Variants in CHADL observed in about 807,000 individuals in gnomAD.
The protein encoded by CHADL is chondroadherin like, also known as chondroadherin-like protein.
CHADL carries 48 observed loss-of-function variants against 52.1 expected under a neutral mutation model. That is an observed-to-expected ratio of 0.92 (90% CI 0.73 to 1.17). The LOEUF (loss-of-function observed/expected upper bound fraction) is 1.17. Among genes scored for constraint, CHADL ranks in the 50% most tolerant of loss-of-function variants. The pLI, the probability that CHADL is intolerant of heterozygous loss-of-function variation, is 0.00. For missense variants in CHADL, 977 were observed against 1,035.1 expected (o/e 0.94, Z 0.77); for synonymous variants, 498 against 511.2 (o/e 0.97, Z 0.35).
At chr22:41,240,028 T>A (rs947587230) in intron 1 of CHADL, among the ~76,000 whole-genome samples, 1 of 152,148 alleles carries the variant, frequency 6.6e-6, no homozygotes, top group Non-Finnish European at 1.5e-5. Context: ...AGGAGCATAA[T>A]GGTACCCCCC....
At chr22:41,239,728 C>T in intron 1 of CHADL, 108 bp from the exon 2 acceptor site, 1 of 1,041,844 alleles carries the variant, frequency 9.6e-7, no homozygotes, top group Non-Finnish European at 1.3e-6. Flanking sequence ...CCCTCAGAGC[C>T]TCCTCCTTTG....
intron 5 of CHADL, 146 bp from the exon 6 acceptor site, chr22:41,229,876 T>A: frequency 6.5e-6 from 5 of 774,262 alleles, no homozygotes; most frequent in Non-Finnish European, 1.1e-5. Context: ...CGGCCCCTCC[T>A]CCTCCTCCAT....
rs1159529322 is a variant in CHADL at position 41,237,736 on chromosome 22, G to A, written c.1336C>T (p.Pro446Ser). Reference sequence around the variant, plus strand: ...AGCGACACCAGGTGGCCCAGGCCGGGGAAGGCCGCTCGGGGCACCGAGGGG... The same window carrying A: ...AGCGACACCAGGTGGCCCAGGCCGGAGAAGGCCGCTCGGGGCACCGAGGGG... ...HFPSVPRAAF[P>S]GLGHLVSLHL... Residue 446 changes from proline to serine, a missense_variant, in exon 3 of 6, where the codon CCC becomes TCC. Physicochemically the swap from Pro to Ser is moderately conservative, Grantham distance 74 (BLOSUM62 -1). Transcript: ENST00000216241. The A allele has an allele frequency of 1.9e-6, 3 of 1,540,786 alleles. No individual in the cohort carries two copies. Among genetic ancestry groups the A allele is most frequent in the Non-Finnish European group, 1.8e-6 (2 of 1,142,754 alleles).
Position 41,237,360 on chromosome 22 carries a change from A to G in CHADL, c.1712T>C (p.Leu571Pro). The G allele has an allele frequency of 6.4e-7, 1 of 1,550,602 alleles. No homozygotes were observed. The highest frequency in any genetic ancestry group is 1.4e-5 in the African/African-American group (1 of 73,156). ...SLGALGPARE[L>P]EKLHLDRNQL... ...ATTCCTGTCCAGGTGCAGCTTCTCCAGCTCCCGAGCTGGGCCCAGCGCCCC... is the reference window on the plus strand; with the variant it reads ...ATTCCTGTCCAGGTGCAGCTTCTCCGGCTCCCGAGCTGGGCCCAGCGCCCC... Residue 571 changes from leucine (L) to proline (P), a missense_variant, in exon 3 of 6, where the codon CTG (leucine) becomes CCG (proline). By Grantham distance (98) the Leu-to-Pro change is moderately conservative (BLOSUM62 -3). Coordinates refer to ENST00000216241, the MANE Select transcript of CHADL (RefSeq NM_138481.2).
Position 41,238,791 on chromosome 22 carries a change from C to A in CHADL, c.281G>T (p.Arg94Leu). Reference protein sequence around the residue: ...GVPHLTHLDLRHCEVELVAEG... With the variant: ...GVPHLTHLDLLHCEVELVAEG... The stretch of plus-strand genomic sequence containing the variant: ...GGCCACCAGCTCCACCTCGCAGTGG[C>A]GCAGGTCCAGGTGTGTGAGGTGAGG... The change falls in exon 3 of 6, where the codon CGC becomes CTC. Residue 94 changes from arginine to leucine, a missense_variant. Transcript: ENST00000216241. The surrounding 1 kb of genome is among the most constrained non-coding windows in gnomAD (Gnocchi z 4.9). The A allele has an allele frequency of 6.5e-7, 1 of 1,549,692 alleles. No individual in the cohort carries two copies.
intron 4 of CHADL, 108 bp from the exon 5 acceptor site, chr22:41,235,451 G>A (rs2032724279): frequency 2.5e-6 from 2 of 814,960 alleles, no homozygotes; most frequent in Non-Finnish European, 3.9e-6. Flanking sequence ...GGCAGCACAA[G>A]GCCACAGGCA....
chr22:41,231,190 G>T (rs879323183), intron 5 of CHADL: 1 of 152,180 alleles, frequency 6.6e-6, no homozygotes, highest in Non-Finnish European at 1.5e-5. Flanking sequence ...GACAGAGCTG[G>T]AGGACACATC....
chr22:41,230,304 TACC>T (rs1234885994), intron 5 of CHADL: 48 of 1,301,808 alleles, frequency 3.7e-5, no homozygotes, highest in Admixed American at 5.1e-5. Flanking sequence ...AGCGTTTCTC[TACC>T]ACCACCACCA....
chr22:41,230,324 C>G (rs1243295466), intron 5 of CHADL: 3 of 1,118,492 alleles, frequency 2.7e-6, no homozygotes, highest in Non-Finnish European at 4.1e-6. Context: ...ACCATGCCTC[C>G]ACCTGACTTT....
chr22:41,232,941 C>T (rs115707195), intron 5 of CHADL, among the ~76,000 whole-genome samples: 90 of 152,246 alleles, frequency 5.9e-4, no homozygotes, highest in African/African-American at 2.1e-3. Context: ...CAAGGCAGAA[C>T]TTGCTTACCT....
Position 41,237,054 on chromosome 22 carries a change from G to A in CHADL, c.1896+122C>T, listed in dbSNP as rs770585929. 3.3e-4 allele frequency: 347 copies of A among 1,048,392 alleles called. 1 individual carries two copies. Among genetic ancestry groups the A allele is most frequent in the Non-Finnish European group, 4.2e-4 (313 of 741,756 alleles). 64.9% of individuals were successfully genotyped at this position (1,048,392 alleles called of 1,614,324 possible). ...AGGGGCAGTCCTGGTTTATCTCAGG[G>A]TCCCCGTGCCCAGGCTGAGACCTGG... On this transcript the variant is annotated intron_variant, in intron 3 of 5. Transcript: ENST00000216241.
chr22:41,230,304 T>A, intron 5 of CHADL: 3 of 1,302,096 alleles, frequency 2.3e-6, no homozygotes, highest in South Asian at 1.2e-5. Flanking sequence ...AGCGTTTCTC[T>A]ACCACCACCA....
intron 5 of CHADL, chr22:41,230,498 CCA>C (rs2032528787): frequency 2.1e-6 from 1 of 484,260 alleles, no homozygotes; most frequent in East Asian, 3.7e-5. Context: ...CGTCTGTGAA[CCA>C]CCTTTTCCAG....
At chr22:41,235,812 G>C (rs1304559657) in intron 4 of CHADL, among the ~76,000 whole-genome samples, 1 of 152,196 alleles carries the variant, frequency 6.6e-6, no homozygotes, top group African/African-American at 2.4e-5. Flanking sequence ...TGCAGAGTTA[G>C]TTGGTAAAAT....
At chr22:41,239,740 G>A in intron 1 of CHADL, 120 bp from the exon 2 acceptor site, 1 of 915,696 alleles carries the variant, frequency 1.1e-6, no homozygotes, top group Non-Finnish European at 1.6e-6. Context: ...CCTCCTTTGG[G>A]CCCAGGAAAG....
At chr22:41,239,411 C>A in intron 2 of CHADL, 32 bp downstream of exon 2, 15 of 1,542,846 alleles carry the variant, frequency 9.7e-6, no homozygotes, top group Non-Finnish European at 1.3e-5. Context: ...TGCCCCACTG[C>A]CACTCTGTGC....
At chr22:41,240,115 C>G (rs898985014) in intron 1 of CHADL, among the ~76,000 whole-genome samples, 5 of 152,184 alleles carry the variant, frequency 3.3e-5, no homozygotes, top group African/African-American at 1.2e-4. Context: ...AAGCCTTGCT[C>G]TGTTGCCCAG....
In CHADL at chr22:41,233,688, G is replaced by A. The variant is rs1363396978; in HGVS notation, c.2262+1457C>T. Among the ~76,000 whole-genome samples the A allele has an allele frequency of 2.0e-5, 3 of 152,130 alleles. No homozygotes were observed. The South Asian group carries it at 6.2e-4, about 32-fold the overall frequency. ...AGCACGCCCCTGCCAACACCTCAAC[G>A]GCTGACCCCTAGCCTACAGAAGCTC... On this transcript the variant is annotated intron_variant, in intron 5 of 5. Coordinates refer to ENST00000216241, the MANE Select transcript of CHADL (RefSeq NM_138481.2).
Position 41,237,165 on chromosome 22 carries a change from C to T in CHADL, c.1896+11G>A, listed in dbSNP as rs1254725577. Reference sequence around the variant, plus strand: ...CTCCTGCACCAACCCCGCCAGATGCCCAGTGCCCACCTGCTCCAGGCCACT... The same window carrying T: ...CTCCTGCACCAACCCCGCCAGATGCTCAGTGCCCACCTGCTCCAGGCCACT... On this transcript the variant is annotated intron_variant, in intron 3 of 5. Transcript: ENST00000216241. 4 of 1,528,746 alleles carry T rather than the reference C, an allele frequency of 2.6e-6. No individual in the cohort carries two copies. Among genetic ancestry groups the T allele is most frequent in the Non-Finnish European group, 3.5e-6 (4 of 1,132,934 alleles). The allele number at this position is 1,528,746 out of a possible 1,614,324, so 94.7% of individuals were successfully genotyped here. A position where few individuals can be genotyped will look rare whatever the true frequency, so the allele number is the denominator to read the frequency against.
Sources: gnomAD v4.1 joint callset for allele counts (sites outside exome capture counted in the v4.1 genomes callset) on GRCh38, gnomAD v4.1.1 for gene constraint, Gnocchi (gnomAD v3.1) non-coding constraint, MANE v1.5 for transcripts, NCBI Gene and HGNC (gene_info 2026-07-23, HGNC 2026-07-21) for gene names.